Variants in OXNAD1 observed in about 807,000 individuals in gnomAD.
OXNAD1 encodes the protein oxidoreductase NAD binding domain containing 1.
Under a neutral mutation model 32.9 loss-of-function variants are expected in OXNAD1, and 34 were observed. The ratio of observed to expected loss-of-function variants is 1.03; its 90% CI spans 0.79 to 1.38. The LOEUF (loss-of-function observed/expected upper bound fraction) is 1.38. Among genes scored for constraint, OXNAD1 ranks in the 40% most tolerant of loss-of-function variants. OXNAD1 has a pLI of 0.00. For synonymous variants in OXNAD1, 134 were observed against 135.2 expected, an observed-to-expected ratio of 0.99 and a Z score of 0.06; for missense variants, 407 against 379.4, an observed-to-expected ratio of 1.07 and a Z score of -0.60.
At position 16,336,522 on chromosome 3, in the gene OXNAD1, ATGT is replaced by A. The variant is rs1322245651; in HGVS notation, c.*31-585_*31-583del. ...GGACAGGCACGCTGGCCGGCTAGAG[ATGT>A]TGTTTTCTCCTTTGTTTTATGCACA... On this transcript the variant is annotated intron_variant, in intron 9 of 9. Coordinates refer to the OXNAD1 transcript ENST00000435829. This position sits in a 1 kb window ranked among gnomAD's most constrained non-coding sequence, Gnocchi z 6.0. Among the ~76,000 whole-genome samples the A allele has an allele frequency of 4.6e-5, 7 of 152,160 alleles. No homozygotes were observed. The highest frequency in any genetic ancestry group is 1.9e-4 in the East Asian group (1 of 5,200).
intron 4 of OXNAD1, among the ~76,000 whole-genome samples, chr3:16,279,515 A>G (rs1575075247): frequency 6.6e-6 from 1 of 152,102 alleles, no homozygotes; most frequent in East Asian, 1.9e-4. Flanking sequence ...TTTAACTGCT[A>G]GAGATGAAAA....
In OXNAD1 at chr3:16,302,569, C is replaced by T. The variant is rs761024599; in HGVS notation, c.676-71C>T. ...GTGCAGAATGGGAGTTGAGGTTCAG[C>T]GTCAATGGTTGTGCACATCTGTTTT... is the stretch of plus-strand genomic sequence containing the variant. On this transcript the variant is annotated intron_variant, in intron 7 of 8. Coordinates refer to ENST00000285083, the MANE Select transcript of OXNAD1 (RefSeq NM_138381.5). The surrounding 1 kb of genome is among the most constrained non-coding windows in gnomAD (Gnocchi z 4.2). 1.5e-5 allele frequency: 15 copies of T among 998,934 alleles called. No homozygotes were observed. Among genetic ancestry groups the T allele is most frequent in the South Asian group, 5.7e-5 (4 of 69,662 alleles). The allele number at this position is 998,934 out of a possible 1,614,324, so 61.9% of individuals were successfully genotyped here. A position where few individuals can be genotyped will look rare whatever the true frequency, so the allele number is the denominator to read the frequency against.
chr3:16,340,132 C>A (rs180810822), downstream of OXNAD1, among the ~76,000 whole-genome samples: 2 of 152,130 alleles, frequency 1.3e-5, 1 homozygote, highest in South Asian at 4.1e-4. Context: ...TGTTTCTTCC[C>A]TGTTTCTGTT....
In OXNAD1 at chr3:16,312,641, T is replaced by C. The variant is rs776481318; in HGVS notation, c.*30+9049T>C. 6.6e-6 allele frequency among the ~76,000 whole-genome samples: 1 copy of C among 152,154 alleles called. No individual in the cohort carries two copies. Among genetic ancestry groups the C allele is most frequent in the Non-Finnish European group, 1.5e-5 (1 of 68,026 alleles). ...GGTTGCACGAGTCGTGAGTTTGGGG[T>C]CAACCTATTCCTACTAATAAGCACT... On this transcript the variant is annotated intron_variant, in intron 9 of 9. Coordinates refer to the OXNAD1 transcript ENST00000435829. The surrounding 1 kb of genome is among the most constrained non-coding windows in gnomAD (Gnocchi z 4.7).
At chr3:16,295,021 G>C (rs770498108) in intron 6 of OXNAD1, 24 bp downstream of exon 6, 2 of 1,584,682 alleles carry the variant, frequency 1.3e-6, no homozygotes, top group Non-Finnish European at 1.7e-6. Context: ...CTGTTTAAAC[G>C]CGATGATCTG....
rs146809523 is a variant in OXNAD1, at chr3:16,319,583, G to A, written c.*30+15991G>A. On this transcript the variant is annotated intron_variant, in intron 9 of 9. Transcript: ENST00000435829. ...ACGTGCTAGACCTTCCATCTAATAT[G>A]AGCCCAGATACTCTCTCCGGGGCTG... is the stretch of plus-strand genomic sequence containing the variant. Among the ~76,000 whole-genome samples, 217 of 152,278 alleles carry A rather than the reference G, an allele frequency of 1.4e-3. 5 individuals carry two copies. The highest frequency in any genetic ancestry group is 2.6e-4 in the Non-Finnish European group (18 of 68,022).
downstream of OXNAD1, among the ~76,000 whole-genome samples, chr3:16,341,582 G>C (rs557228051): frequency 1.3e-5 from 2 of 152,162 alleles, no homozygotes; most frequent in African/African-American, 2.4e-5. This position sits in a 1 kb window ranked among gnomAD's most constrained non-coding sequence, Gnocchi z 4.7. Context: ...ATTCAGTTCA[G>C]TTTTGCTATG....
At position 16,344,326 on chromosome 3, in the gene OXNAD1, C is replaced by T. The variant is rs1204649013; in HGVS notation, c.*31-4850C>T. 7.1e-6 allele frequency among the ~76,000 whole-genome samples: 1 copy of T among 141,788 alleles called. No individual in the cohort carries two copies. Among genetic ancestry groups the T allele is most frequent in the African/African-American group, 2.6e-5 (1 of 38,254 alleles). 93.0% of individuals were successfully genotyped at this position (141,788 alleles called of 152,430 possible). A position where few individuals can be genotyped will look rare whatever the true frequency, so the allele number is the denominator to read the frequency against. On this transcript the variant is annotated intron_variant, in intron 9 of 9. Coordinates refer to the OXNAD1 transcript ENST00000606098. This position sits in a 1 kb window ranked among gnomAD's most constrained non-coding sequence, Gnocchi z 4.4. ...GAAAGTGGATTAGATCAGTAATTTT[C>T]AAGGTTTTTTTTTTTTAATTAGTAG...
rs2071903981 is a variant in OXNAD1 at position 16,348,824 on chromosome 3, AAGC to A, written c.*31-349_*31-347del. 6.6e-6 allele frequency among the ~76,000 whole-genome samples: 1 copy of A among 152,164 alleles called. No homozygotes were observed. Among genetic ancestry groups the A allele is most frequent in the African/African-American group, 2.4e-5 (1 of 41,438 alleles). ...AGTCCAGCCCACCTGCCCCACTGGGAAGCAGGAGGACTGGTTTTGGTCCAATAG... is the reference window on the plus strand; with the variant it reads ...AGTCCAGCCCACCTGCCCCACTGGGAAGGAGGACTGGTTTTGGTCCAATAG... On this transcript the variant is annotated intron_variant, in intron 9 of 9. Transcript: ENST00000606098. This position sits in a 1 kb window ranked among gnomAD's most constrained non-coding sequence, Gnocchi z 6.3.
In OXNAD1 at chr3:16,295,384, A is replaced by G. The variant is rs145491605; in HGVS notation, c.432+387A>G. On this transcript the variant is annotated intron_variant, in intron 6 of 8. Coordinates refer to ENST00000285083, the MANE Select transcript of OXNAD1 (RefSeq NM_138381.5). ...TTCTGTCATTTTTGGAGGGGAAACT[A>G]TCTGATTACATAGTACTGCTTCTTC... Among the ~76,000 whole-genome samples the G allele has an allele frequency of 2.9e-3, 447 of 152,328 alleles. 3 individuals carry two copies. Among genetic ancestry groups the G allele is most frequent in the Non-Finnish European group, 4.5e-3 (308 of 68,020 alleles).
In OXNAD1 at chr3:16,299,680, A is replaced by C. The variant is rs115431859; in HGVS notation, c.433-1946A>C. On this transcript the variant is annotated intron_variant, in intron 6 of 8. Coordinates refer to ENST00000285083, the MANE Select transcript of OXNAD1 (RefSeq NM_138381.5). This position sits in a 1 kb window ranked among gnomAD's most constrained non-coding sequence, Gnocchi z 4.4. ...TGCTCACCTGACATGCAAGGTGCCAAGGTGTGAATGCTAAGGGTTTGGTTC... is the reference window on the plus strand; with the variant it reads ...TGCTCACCTGACATGCAAGGTGCCACGGTGTGAATGCTAAGGGTTTGGTTC... Among the ~76,000 whole-genome samples, 1,650 of 152,326 alleles carry C rather than the reference A, an allele frequency of 0.011. 29 individuals carry two copies. Among genetic ancestry groups the C allele is most frequent in the African/African-American group, 0.037 (1,552 of 41,560 alleles).
At chr3:16,333,427 A>G (rs1207289814) in intron 9 of OXNAD1, among the ~76,000 whole-genome samples, 1 of 152,248 alleles carries the variant, frequency 6.6e-6, no homozygotes, top group East Asian at 1.9e-4. Flanking sequence ...TAGTAAGCAG[A>G]TGAATTTGCA....
chr3:16,291,769 G>T (rs1398121111), intron 5 of OXNAD1, among the ~76,000 whole-genome samples: 1 of 152,206 alleles, frequency 6.6e-6, no homozygotes, highest in African/African-American at 2.4e-5. Context: ...GCATGGAATT[G>T]TTGGGTCATA....
chr3:16,300,933 C>T (rs1292133184), intron 6 of OXNAD1, among the ~76,000 whole-genome samples: 1 of 152,180 alleles, frequency 6.6e-6, no homozygotes, highest in East Asian at 1.9e-4. Flanking sequence ...AGCAGTAGCA[C>T]CCCCACTGAG....
rs1490561628 is a variant in OXNAD1, at chr3:16,289,052, C to T, written c.290+2604C>T. 6.6e-6 allele frequency among the ~76,000 whole-genome samples: 1 copy of T among 152,162 alleles called. No individual in the cohort carries two copies. Among genetic ancestry groups the T allele is most frequent in the Non-Finnish European group, 1.5e-5 (1 of 68,028 alleles). On this transcript the variant is annotated intron_variant, in intron 5 of 8. Transcript: ENST00000285083. This position sits in a 1 kb window ranked among gnomAD's most constrained non-coding sequence, Gnocchi z 4.9. ...TCAGTTTCCTTATTTGTCTGGGCTTCAGTTCTCATATCTTCAAAGAGGGAG... is the reference window on the plus strand; with the variant it reads ...TCAGTTTCCTTATTTGTCTGGGCTTTAGTTCTCATATCTTCAAAGAGGGAG...
intron 9 of OXNAD1, among the ~76,000 whole-genome samples, chr3:16,326,305 AT>A: frequency 6.6e-6 from 1 of 152,340 alleles, no homozygotes; most frequent in Middle Eastern, 3.4e-3. Context: ...CCAGTGCTTG[AT>A]CTTGGCCAAG....
intron 9 of OXNAD1, among the ~76,000 whole-genome samples, chr3:16,311,542 C>T (rs1233722600): frequency 6.6e-6 from 1 of 152,148 alleles, no homozygotes; most frequent in Non-Finnish European, 1.5e-5. Flanking sequence ...AAGTTCCAGG[C>T]AATATCACTG....
At position 16,288,435 on chromosome 3, in the gene OXNAD1, ACT is replaced by A. The variant is rs907727243; in HGVS notation, c.290+1990_290+1991del. On this transcript the variant is annotated intron_variant, in intron 5 of 8. Transcript: ENST00000285083. This position sits in a 1 kb window ranked among gnomAD's most constrained non-coding sequence, Gnocchi z 5.1. ...AGTGGCTTCCTCTGACACCTACCAA[ACT>A]CTGAGAATGAGGTTCCAGGCACAAC... Among the ~76,000 whole-genome samples the A allele has an allele frequency of 2.0e-5, 3 of 151,874 alleles. No homozygotes were observed. The highest frequency in any genetic ancestry group is 7.3e-5 in the African/African-American group (3 of 41,322).
At chr3:16,295,059 G>T in intron 6 of OXNAD1, 62 bp downstream of exon 6, 1 of 1,505,408 alleles carries the variant, frequency 6.6e-7, no homozygotes, top group South Asian at 1.4e-5. Flanking sequence ...CAAAATTTGT[G>T]TTAAGCTCAT....
Sources: allele counts gnomAD v4.1 joint callset (sites outside exome capture counted in the v4.1 genomes callset), GRCh38; gene constraint gnomAD v4.1.1; non-coding constraint Gnocchi (gnomAD v3.1); transcripts MANE v1.5; gene names NCBI Gene and HGNC (gene_info 2026-07-23, HGNC 2026-07-21).